Variants in DENND2B observed in about 807,000 individuals in gnomAD.
DENND2B encodes the protein DENN domain-containing protein 2B.
Under a neutral mutation model 116.0 loss-of-function variants are expected in DENND2B, and 32 were observed. The observed-to-expected ratio is 0.28, with a 90% confidence interval of 0.21 to 0.37. DENND2B has a LOEUF of 0.37. Among genes scored for constraint, DENND2B ranks in the 10% least tolerant of loss-of-function variants. The pLI, the probability that DENND2B is intolerant of heterozygous loss-of-function variation, is 1.00. For synonymous variants in DENND2B, 588 were observed against 583.9 expected, an observed-to-expected ratio of 1.01 and a Z score of -0.10; for missense variants, 1,276 against 1,477.7, an observed-to-expected ratio of 0.86 and a Z score of 2.24.
In DENND2B at chr11:8,730,550, A is replaced by G; in HGVS notation, c.740T>C (p.Leu247Pro). The G allele has an allele frequency of 1.9e-6, 3 of 1,613,118 alleles. No homozygotes were observed. The highest frequency in any genetic ancestry group is 2.5e-6 in the Non-Finnish European group (3 of 1,180,014). Residue 247 changes from leucine to proline, a missense_variant, in exon 3 of 20, where the codon CTC becomes CCC. Physicochemically the swap from Leu to Pro is moderately conservative, Grantham distance 98. Around this residue, in one of 2 missense-constraint regions of DENND2B, gnomAD observed 856 missense variants for 846.6 expected, o/e 1.01. Transcript: ENST00000313726. The surrounding 1 kb of genome is among the most constrained non-coding windows in gnomAD (Gnocchi z 4.1). ...CCGGTAGAAAGAGTCCCGGACAGGGAGCGCCTCTCCCTCCTCCTCAGTCTC... is the reference window on the plus strand; with the variant it reads ...CCGGTAGAAAGAGTCCCGGACAGGGGGCGCCTCTCCCTCCTCCTCAGTCTC... Reference protein sequence around the residue: ...YPETEEEGEALPVRDSFYRLE... With the variant: ...YPETEEEGEAPPVRDSFYRLE...
chr11:8,887,186 C>G (rs2063970741), intron 1 of DENND2B, among the ~76,000 whole-genome samples: 1 of 152,154 alleles, frequency 6.6e-6, no homozygotes, highest in African/African-American at 2.4e-5. Flanking sequence ...AATATTTTGG[C>G]ATTATAGAAT....
At chr11:8,774,349 G>A in intron 1 of DENND2B, 1 of 983,118 alleles carries the variant, frequency 1.0e-6, no homozygotes, top group Non-Finnish European at 1.2e-6. Context: ...ACTAGTGAAA[G>A]CACACCTTTG....
At chr11:8,751,433 C>A (rs534413122) in intron 1 of DENND2B, among the ~76,000 whole-genome samples, 1 of 152,314 alleles carries the variant, frequency 6.6e-6, no homozygotes, top group South Asian at 2.1e-4. Context: ...CCCTTCCACA[C>A]TGTGGAAGCT....
intron 1 of DENND2B, among the ~76,000 whole-genome samples, chr11:8,801,995 GAAAAAAAAAAA>G (rs35017643): frequency 3.4e-5 from 2 of 58,910 alleles, no homozygotes; most frequent in Non-Finnish European, 3.0e-5. Context: ...CTCTCTTGGG[GAAAAAAAAAAA>G]AAAAAAAAAA....
At chr11:8,750,592 C>T in intron 2 of DENND2B, 29 bp downstream of exon 2, 2 of 1,595,418 alleles carry the variant, frequency 1.3e-6, no homozygotes, top group Non-Finnish European at 1.7e-6. Flanking sequence ...TCCCTTGATG[C>T]CACCTCCCAC....
chr11:8,830,424 T>C (rs2062158774), intron 4 of DENND2B, among the ~76,000 whole-genome samples: 1 of 152,238 alleles, frequency 6.6e-6, no homozygotes, highest in African/African-American at 2.4e-5. Context: ...AGTTAAGATC[T>C]TGGATATTCT....
At chr11:8,802,299 GA>G (rs35492912) in intron 1 of DENND2B, among the ~76,000 whole-genome samples, 47 of 144,514 alleles carry the variant, frequency 3.3e-4, no homozygotes, top group Admixed American at 4.8e-4. Flanking sequence ...ACTCTGTCTG[GA>G]AAAAAAAAAA....
intron 4 of DENND2B, among the ~76,000 whole-genome samples, chr11:8,819,993 T>G (rs1177570865): frequency 6.6e-6 from 1 of 152,198 alleles, no homozygotes; most frequent in East Asian, 1.9e-4. Context: ...AAGTAAAAAG[T>G]TTTTAAAAGC....
At chr11:8,833,257 T>A (rs1322997954) in intron 4 of DENND2B, among the ~76,000 whole-genome samples, 3 of 152,202 alleles carry the variant, frequency 2.0e-5, no homozygotes, top group Admixed American at 2.0e-4. Flanking sequence ...AAGGCTCTGT[T>A]CTAGGATAAG....
chr11:8,802,547 T>C (rs2060450657), intron 1 of DENND2B, among the ~76,000 whole-genome samples: 1 of 152,078 alleles, frequency 6.6e-6, no homozygotes, highest in Admixed American at 6.5e-5. Flanking sequence ...GAGGCAGAAT[T>C]TGAACCCAAT....
intron 2 of DENND2B, among the ~76,000 whole-genome samples, chr11:8,734,720 C>T (rs1045228659): frequency 1.4e-5 from 2 of 139,784 alleles, no homozygotes; most frequent in African/African-American, 2.6e-5. Context: ...ACCCAGGAGG[C>T]GGAGGTTGCA....
rs568149160 is a variant in DENND2B at position 8,712,883 on chromosome 11, C to G, written c.1988-148G>C. On this transcript the variant is annotated intron_variant, in intron 8 of 19. Transcript: ENST00000313726. The surrounding 1 kb of genome is among the most constrained non-coding windows in gnomAD (Gnocchi z 4.4). ...TCCCCAGCTCACAGTGCAGGAGGAC[C>G]GGCAGGCACAAGGTGCTGACCCCTG... 2.4e-6 allele frequency: 2 copies of G among 842,898 alleles called. No homozygotes were observed. The highest frequency in any genetic ancestry group is 5.9e-5 in the Admixed American group (2 of 33,788). The allele number at this position is 842,898 out of a possible 1,614,324, so 52.2% of individuals were successfully genotyped here.
intron 3 of DENND2B, among the ~76,000 whole-genome samples, chr11:8,856,100 A>G (rs531848223): frequency 2.6e-5 from 4 of 152,364 alleles, no homozygotes; most frequent in South Asian, 4.1e-4. Context: ...ACCAAGCTGT[A>G]TAACGTTTGG....
At chr11:8,780,771 C>A (rs984731123) in intron 1 of DENND2B, among the ~76,000 whole-genome samples, 1 of 152,080 alleles carries the variant, frequency 6.6e-6, no homozygotes, top group Admixed American at 6.5e-5. Flanking sequence ...CTAGGGGCTA[C>A]GGCAGAAAAA....
intron 2 of DENND2B, among the ~76,000 whole-genome samples, chr11:8,879,066 A>G (rs2063874666): frequency 6.6e-6 from 1 of 152,246 alleles, no homozygotes; most frequent in Non-Finnish European, 1.5e-5. Context: ...TTAAAAAGGT[A>G]GACTCACTAA....
intron 4 of DENND2B, among the ~76,000 whole-genome samples, chr11:8,826,912 C>T (rs533176797): frequency 6.6e-6 from 1 of 152,056 alleles, no homozygotes; most frequent in African/African-American, 2.4e-5. Flanking sequence ...TTAGACCCCA[C>T]GATTCAAGGA....
intron 5 of DENND2B, among the ~76,000 whole-genome samples, chr11:8,716,671 G>A (rs1186677371): frequency 4.0e-5 from 6 of 150,632 alleles, no homozygotes; most frequent in Non-Finnish European, 5.9e-5. Flanking sequence ...TTTTTGAGAC[G>A]GAGTCTCGCT....
At chr11:8,722,672 C>A (rs7105372) in intron 4 of DENND2B, among the ~76,000 whole-genome samples, 30,655 of 152,102 alleles carry the variant, frequency 0.2, 3,254 homozygotes, top group South Asian at 0.32. Context: ...CCTCCCTAGT[C>A]AGGTCCCAGA....
chr11:8,714,769 G>A, intron 6 of DENND2B, 63 bp from the exon 7 acceptor site: 1 of 1,398,602 alleles, frequency 7.2e-7, no homozygotes, highest in Non-Finnish European at 1.0e-6. Context: ...TTCCAAGAAG[G>A]CTGAGTAGGA....
Sources: allele counts gnomAD v4.1 joint callset (sites outside exome capture counted in the v4.1 genomes callset), GRCh38; gene constraint gnomAD v4.1.1; regional missense constraint gnomAD v4.1.1; non-coding constraint Gnocchi (gnomAD v3.1); transcripts MANE v1.5; gene names NCBI Gene and HGNC (gene_info 2026-07-23, HGNC 2026-07-21).